OSBPL3: variants seen among roughly 807,000 people sequenced by gnomAD.
The protein encoded by OSBPL3 is oxysterol-binding protein-related protein 3.
In OSBPL3, 65 loss-of-function variants were observed where a neutral mutation model predicts 120.1. That is an observed-to-expected ratio of 0.54 (90% CI 0.44 to 0.67). The LOEUF is 0.67. Ranked by LOEUF, OSBPL3 falls within the 30% of genes least tolerant of loss-of-function variation. The pLI is 0.00. For missense variants in OSBPL3, 1,004 were observed against 1,082.1 expected (o/e 0.93, Z 1.01); for synonymous variants, 416 against 402.6 (o/e 1.03, Z -0.40).
At chr7:24,826,171 G>T (rs911731839) in intron 16 of OSBPL3, among the ~76,000 whole-genome samples, 53 of 152,204 alleles carry the variant, frequency 3.5e-4, no homozygotes, top group African/African-American at 1.2e-3. Context: ...CCTGCCAGAG[G>T]ATACTTAGTC....
rs1376281027 is a variant in OSBPL3 at position 24,972,108 on chromosome 7, G to T, written c.-150+7778C>A. 6.6e-6 allele frequency among the ~76,000 whole-genome samples: 1 copy of T among 152,166 alleles called. No homozygotes were observed. The highest frequency in any genetic ancestry group is 1.5e-5 in the Non-Finnish European group (1 of 68,036). On this transcript the variant is annotated intron_variant, in intron 1 of 22. Coordinates refer to ENST00000313367, the MANE Select transcript of OSBPL3 (RefSeq NM_015550.4). This position sits in a 1 kb window ranked among gnomAD's most constrained non-coding sequence, Gnocchi z 4.3. Reference sequence around the variant, plus strand: ...CATGCAGGGCTATGCTGGAGGACAGGTTGCTAGATATCATTGCGTTTCTGC... The same window carrying T: ...CATGCAGGGCTATGCTGGAGGACAGTTTGCTAGATATCATTGCGTTTCTGC...
In OSBPL3 at chr7:24,900,893, C is replaced by T. The variant is rs182211711; in HGVS notation, c.-149-8272G>A. Among the ~76,000 whole-genome samples the T allele has an allele frequency of 2.0e-3, 311 of 152,268 alleles. 1 individual carries two copies. The highest frequency in any genetic ancestry group is 7.0e-3 in the African/African-American group (291 of 41,550). On this transcript the variant is annotated intron_variant, in intron 1 of 22. Transcript: ENST00000313367. This position sits in a 1 kb window ranked among gnomAD's most constrained non-coding sequence, Gnocchi z 4.5. ...AAAATTAGCTAGGCGTGCTAGTGCA[C>T]ACCTGTAGTATCAGCTACTGGGGAG...
intron 1 of OSBPL3, among the ~76,000 whole-genome samples, chr7:24,944,689 T>C (rs1813511187): frequency 6.6e-6 from 1 of 152,070 alleles, no homozygotes; most frequent in Non-Finnish European, 1.5e-5. Context: ...AATTATCCTC[T>C]CCCTTTCAAA....
intron 19 of OSBPL3, among the ~76,000 whole-genome samples, chr7:24,811,945 G>C (rs1284258261): frequency 1.3e-5 from 2 of 152,150 alleles, no homozygotes; most frequent in East Asian, 3.8e-4. Flanking sequence ...TCTGCAGTTT[G>C]TAACTCAACT....
rs1052083687 is a variant in OSBPL3, at chr7:24,824,935, T to G, written c.1885-4697A>C. ...AGGCAGGGGACACAGCAAAGGCCAA[T>G]GGCTGGAAAATGCTTGGTATGAAGC... On this transcript the variant is annotated intron_variant, in intron 16 of 22. Coordinates refer to ENST00000313367, the MANE Select transcript of OSBPL3 (RefSeq NM_015550.4). The surrounding 1 kb of genome is among the most constrained non-coding windows in gnomAD (Gnocchi z 4.9). Among the ~76,000 whole-genome samples the G allele has an allele frequency of 6.6e-6, 1 of 152,236 alleles. No individual in the cohort carries two copies. Among genetic ancestry groups the G allele is most frequent in the East Asian group, 1.9e-4 (1 of 5,186 alleles).
At chr7:24,884,739 A>G (rs922598391) in intron 2 of OSBPL3, among the ~76,000 whole-genome samples, 1 of 152,174 alleles carries the variant, frequency 6.6e-6, no homozygotes, top group African/African-American at 2.4e-5. Context: ...AGAGGGTATT[A>G]ACTTTGTCCA....
chr7:24,928,052 C>T (rs1017440731), intron 1 of OSBPL3, among the ~76,000 whole-genome samples: 2 of 152,120 alleles, frequency 1.3e-5, no homozygotes, highest in Admixed American at 6.5e-5. Context: ...ACCTCCTCCT[C>T]TCTACCTTCC....
chr7:24,815,558 T>C lies in OSBPL3; in HGVS notation c.2028-355A>G, dbSNP rs1397023137. ...GTTGCTGAACTAGGAAAGGGAAGCT[T>C]GAGAAAGGGATGAAGGTTTTATACA... On this transcript the variant is annotated intron_variant, in intron 18 of 22. Transcript: ENST00000313367. The surrounding 1 kb of genome is among the most constrained non-coding windows in gnomAD (Gnocchi z 5.1). 6.6e-6 allele frequency among the ~76,000 whole-genome samples: 1 copy of C among 152,184 alleles called. No individual in the cohort carries two copies. Among genetic ancestry groups the C allele is most frequent in the Non-Finnish European group, 1.5e-5 (1 of 68,034 alleles).
At chr7:24,960,536 T>C (rs768698059) in intron 1 of OSBPL3, among the ~76,000 whole-genome samples, 31 of 152,238 alleles carry the variant, frequency 2.0e-4, no homozygotes, top group East Asian at 1.9e-3. Flanking sequence ...ATCTTTTCCA[T>C]TGGGCTGTGA....
At chr7:24,848,894 C>T (rs1402372043) in intron 12 of OSBPL3, among the ~76,000 whole-genome samples, 175 bp downstream of exon 12, 5 of 152,156 alleles carry the variant, frequency 3.3e-5, no homozygotes, top group Non-Finnish European at 5.9e-5. Flanking sequence ...CTCAAGAAAG[C>T]GTTTGAGCCC....
intron 12 of OSBPL3, among the ~76,000 whole-genome samples, 162 bp downstream of exon 12, chr7:24,848,907 G>C (rs1179760369): frequency 6.6e-6 from 1 of 152,222 alleles, no homozygotes; most frequent in Non-Finnish European, 1.5e-5. Context: ...TTGAGCCCGA[G>C]ACCCCAGTCC....
Position 24,947,732 on chromosome 7 carries a change from G to A in OSBPL3, c.-150+32154C>T, listed in dbSNP as rs542613274. 6.6e-6 allele frequency among the ~76,000 whole-genome samples: 1 copy of A among 151,254 alleles called. No individual in the cohort carries two copies. The highest frequency in any genetic ancestry group is 6.6e-5 in the Admixed American group (1 of 15,166). ...AAACTAAACTATAATCTGAACACAA[G>A]TAATATATGCATGTGTATATATGTA... On this transcript the variant is annotated intron_variant, in intron 1 of 22. Transcript: ENST00000313367. This position sits in a 1 kb window ranked among gnomAD's most constrained non-coding sequence, Gnocchi z 4.4.
At chr7:24,970,288 G>C (rs940872327) in intron 1 of OSBPL3, among the ~76,000 whole-genome samples, 4 of 151,780 alleles carry the variant, frequency 2.6e-5, no homozygotes, top group Admixed American at 6.6e-5. Flanking sequence ...TGTATTTTTA[G>C]TAGAGACTTG....
intron 9 of OSBPL3, 110 bp from the exon 10 acceptor site, chr7:24,861,879 T>C: frequency 5.0e-6 from 3 of 606,010 alleles, no homozygotes; most frequent in Admixed American, 3.8e-5. Flanking sequence ...ATTTTATAGG[T>C]AGGTCTTTTT....
At chr7:24,826,700 A>G (rs1795752247) in intron 16 of OSBPL3, among the ~76,000 whole-genome samples, 1 of 152,328 alleles carries the variant, frequency 6.6e-6, no homozygotes, top group Non-Finnish European at 1.5e-5. Context: ...AAGTAAGATC[A>G]TGAATGCACG....
At position 24,968,122 on chromosome 7, in the gene OSBPL3, A is replaced by AG. The variant is rs1396979970; in HGVS notation, c.-150+11763dup. ...ATCCTGCCTTCCGTTACCCCTTCCT[A>AG]GGACAGTCTGATGTTATAGCAACCT... On this transcript the variant is annotated intron_variant, in intron 1 of 22. Coordinates refer to ENST00000313367, the MANE Select transcript of OSBPL3 (RefSeq NM_015550.4). The surrounding 1 kb of genome is among the most constrained non-coding windows in gnomAD (Gnocchi z 4.6). 1.1e-4 allele frequency among the ~76,000 whole-genome samples: 17 copies of AG among 152,202 alleles called. No individual in the cohort carries two copies. The highest frequency in any genetic ancestry group is 4.1e-4 in the African/African-American group (17 of 41,444).
chr7:24,963,089 A>G (rs1048131192), intron 1 of OSBPL3, among the ~76,000 whole-genome samples: 3 of 152,200 alleles, frequency 2.0e-5, no homozygotes, highest in African/African-American at 7.2e-5. Flanking sequence ...GCTTCTTGGC[A>G]TAACTGATTT....
chr7:24,863,739 C>CT lies in OSBPL3; in HGVS notation c.674-141dup. The CT allele has an allele frequency of 3.3e-6, 2 of 614,046 alleles. No individual in the cohort carries two copies. Among genetic ancestry groups the CT allele is most frequent in the Non-Finnish European group, 5.8e-6 (2 of 345,900 alleles). 38.0% of individuals were successfully genotyped at this position (614,046 alleles called of 1,614,324 possible). Reference sequence around the variant, plus strand: ...CTGTAAGGGTTGGAAATTTTACTTCCTTTTTTACAGGAAAGGCTGTAGACT... The same window carrying CT: ...CTGTAAGGGTTGGAAATTTTACTTCCTTTTTTTACAGGAAAGGCTGTAGACT... On this transcript the variant is annotated intron_variant, in intron 7 of 22. Coordinates refer to ENST00000313367, the MANE Select transcript of OSBPL3 (RefSeq NM_015550.4). This position sits in a 1 kb window ranked among gnomAD's most constrained non-coding sequence, Gnocchi z 5.8.
chr7:24,929,732 T>C (rs1224348563), intron 1 of OSBPL3, among the ~76,000 whole-genome samples: 1 of 152,224 alleles, frequency 6.6e-6, no homozygotes, highest in Non-Finnish European at 1.5e-5. Flanking sequence ...TGCATTCCGT[T>C]TATAGTCATC....
Sources: gnomAD v4.1 joint callset for allele counts (sites outside exome capture counted in the v4.1 genomes callset) on GRCh38, gnomAD v4.1.1 for gene constraint, Gnocchi (gnomAD v3.1) non-coding constraint, MANE v1.5 for transcripts, NCBI Gene and HGNC (gene_info 2026-07-23, HGNC 2026-07-21) for gene names.